Variants in UST observed in about 807,000 individuals in gnomAD.
UST encodes uronyl 2-sulfotransferase, also known as chondroitin sulfate 2-O-sulfotransferase.
UST carries 21 observed loss-of-function variants against 45.6 expected under a neutral mutation model. The ratio of observed to expected loss-of-function variants is 0.46; its 90% CI spans 0.33 to 0.66. UST has a LOEUF of 0.66. Ranked by LOEUF, UST falls within the 30% of genes least tolerant of loss-of-function variation. UST has a pLI of 0.02. For synonymous variants in UST, 215 were observed against 200.6 expected (o/e 1.07, Z -0.61); for missense variants, 463 against 512.4 (o/e 0.90, Z 0.93).
chr6:149,019,722 G>T (rs1775952528), intron 6 of UST, among the ~76,000 whole-genome samples: 1 of 152,186 alleles, frequency 6.6e-6, no homozygotes, highest in South Asian at 2.1e-4. Context: ...TACTTAGTAG[G>T]CAGAGAAGAA....
At chr6:149,019,777 CCTT>C (rs1421958897) in intron 6 of UST, among the ~76,000 whole-genome samples, 2 of 152,172 alleles carry the variant, frequency 1.3e-5, no homozygotes, top group African/African-American at 4.8e-5. Flanking sequence ...GAAGGCACAA[CCTT>C]CTTTAGAGAG....
intron 1 of UST, among the ~76,000 whole-genome samples, chr6:148,751,974 C>T (rs1197565112): frequency 2.0e-5 from 3 of 152,158 alleles, no homozygotes; most frequent in Non-Finnish European, 4.4e-5. Context: ...ATCTATCATC[C>T]AGCCTTGGAT....
chr6:149,067,504 C>G (rs1484971985), intron 7 of UST, among the ~76,000 whole-genome samples: 1 of 152,174 alleles, frequency 6.6e-6, no homozygotes, highest in African/African-American at 2.4e-5. Flanking sequence ...TCCCCCTTCC[C>G]TCTTGTCTTA....
chr6:148,826,502 A>G (rs1341697511), intron 1 of UST, among the ~76,000 whole-genome samples: 1 of 152,094 alleles, frequency 6.6e-6, no homozygotes, highest in Admixed American at 6.6e-5. Flanking sequence ...TACAAAAATG[A>G]CATGTACTTT....
In UST at chr6:149,017,798, A is replaced by C. The variant is rs1198282861; in HGVS notation, c.682-1341A>C. 8.2e-5 allele frequency among the ~76,000 whole-genome samples: 4 copies of C among 48,498 alleles called. No homozygotes were observed. The East Asian group carries it at 2.0e-3, about 25-fold the overall frequency. The allele number at this position is 48,498 out of a possible 152,430, so 31.8% of individuals were successfully genotyped here. On this transcript the variant is annotated intron_variant, in intron 5 of 7. Transcript: ENST00000367463. Reference sequence around the variant, plus strand: ...TCATTGCAGCAATGAATATCCATATATACACACACACACACACACACACAC... The same window carrying C: ...TCATTGCAGCAATGAATATCCATATCTACACACACACACACACACACACAC...
At chr6:148,943,916 G>A (rs74584126) in intron 3 of UST, among the ~76,000 whole-genome samples, 11,622 of 152,136 alleles carry the variant, frequency 0.076, 538 homozygotes, top group Middle Eastern at 0.12. Flanking sequence ...TTACCTCTCC[G>A]CAGCCATCTG....
chr6:148,798,857 T>TTTATTTATTTATTTAC (rs1228421481), intron 1 of UST, among the ~76,000 whole-genome samples: 1 of 88,530 alleles, frequency 1.1e-5, no homozygotes, highest in African/African-American at 3.8e-5. Flanking sequence ...ATAGGATTTA[T>TTTATTTATTTATTTAC]TTATTTATTT....
At chr6:148,775,638 T>TGA (rs778440494) in intron 1 of UST, among the ~76,000 whole-genome samples, 1 of 133,528 alleles carries the variant, frequency 7.5e-6, no homozygotes, top group Admixed American at 7.6e-5. Flanking sequence ...TTTTTTTTTT[T>TGA]TGGGGCGGGG....
chr6:148,880,797 A>G lies in UST; in HGVS notation c.248-6189A>G, dbSNP rs183775997. Among the ~76,000 whole-genome samples, 20 of 152,280 alleles carry G rather than the reference A, an allele frequency of 1.3e-4. No individual in the cohort carries two copies. The South Asian group carries it at 2.1e-3, about 16-fold the overall frequency. ...ATAATCCTAGCATTTTGGGAGGCCA[A>G]GGTGGGTGGATCACGAGATCAGGAG... On this transcript the variant is annotated intron_variant, in intron 1 of 7. Transcript: ENST00000367463.
At chr6:149,040,455 GAC>G (rs1776295971) in intron 7 of UST, among the ~76,000 whole-genome samples, 1 of 152,092 alleles carries the variant, frequency 6.6e-6, no homozygotes, top group African/African-American at 2.4e-5. Flanking sequence ...AGGAGTTCAA[GAC>G]CAGCCTGGCC....
intron 1 of UST, among the ~76,000 whole-genome samples, chr6:148,795,249 G>A (rs563107794): frequency 1.3e-5 from 2 of 152,334 alleles, no homozygotes; most frequent in East Asian, 3.9e-4. Context: ...GGACAGGAGG[G>A]TGTCCCCAGC....
chr6:148,747,846 T>C (rs966272096), intron 1 of UST, among the ~76,000 whole-genome samples, 169 bp downstream of exon 1: 32 of 152,102 alleles, frequency 2.1e-4, no homozygotes, highest in African/African-American at 7.2e-4. Flanking sequence ...AGCGCCTTCT[T>C]CCTCCCGCGC....
At chr6:148,810,543 T>C (rs1248970997) in intron 1 of UST, among the ~76,000 whole-genome samples, 1 of 152,208 alleles carries the variant, frequency 6.6e-6, no homozygotes, top group Non-Finnish European at 1.5e-5. Flanking sequence ...TTAGGAAAAT[T>C]GTGTGGGTAA....
intron 7 of UST, among the ~76,000 whole-genome samples, chr6:149,040,945 CA>C (rs1348713748): frequency 6.6e-6 from 1 of 152,198 alleles, no homozygotes; most frequent in Non-Finnish European, 1.5e-5. Context: ...GATTGCGTGA[CA>C]TCCTCCTCCT....
chr6:148,931,643 A>C (rs557901475), intron 2 of UST, among the ~76,000 whole-genome samples: 4 of 152,350 alleles, frequency 2.6e-5, no homozygotes, highest in African/African-American at 7.2e-5. Context: ...AGCATGTAAG[A>C]AAGTGTTAGA....
intron 1 of UST, among the ~76,000 whole-genome samples, chr6:148,806,941 G>A (rs1777162099): frequency 6.6e-6 from 1 of 152,130 alleles, no homozygotes; most frequent in South Asian, 2.1e-4. Context: ...CCATGACCTG[G>A]TCACCTCTTA....
chr6:148,867,329 T>C (rs72986610), intron 1 of UST, among the ~76,000 whole-genome samples: 1,422 of 77,178 alleles, frequency 0.018, 11 homozygotes, highest in East Asian at 0.066. Flanking sequence ...CACACACACA[T>C]ATATATGTAC....
intron 5 of UST, among the ~76,000 whole-genome samples, chr6:148,988,500 G>A (rs1047838872): frequency 6.6e-5 from 10 of 150,986 alleles, no homozygotes; most frequent in Non-Finnish European, 1.5e-4. Context: ...CTTGAACTTG[G>A]GAGGTGGAGG....
Position 148,832,435 on chromosome 6 carries a change from A to G in UST, c.248-54551A>G, listed in dbSNP as rs115547995. Among the ~76,000 whole-genome samples the G allele has an allele frequency of 4.9e-3, 751 of 152,318 alleles. 7 individuals are homozygous for G. The highest frequency in any genetic ancestry group is 0.018 in the African/African-American group (733 of 41,562). On this transcript the variant is annotated intron_variant, in intron 1 of 7. Transcript: ENST00000367463. The stretch of plus-strand genomic sequence containing the variant: ...TCAACTGAACATCTTGCTTATGGAT[A>G]TAATTTACATGTCTTAGTATGAAGC...
Sources: allele counts gnomAD v4.1 joint callset (sites outside exome capture counted in the v4.1 genomes callset), GRCh38; gene constraint gnomAD v4.1.1; transcripts MANE v1.5; gene names NCBI Gene and HGNC (gene_info 2026-07-23, HGNC 2026-07-21).